KCNH5: variants seen among roughly 807,000 people sequenced by gnomAD.
KCNH5 encodes voltage-gated delayed rectifier potassium channel KCNH5.
KCNH5 carries 46 observed loss-of-function variants against 96.1 expected under a neutral mutation model. The ratio of observed to expected loss-of-function variants is 0.48; its 90% CI spans 0.38 to 0.61. The LOEUF (loss-of-function observed/expected upper bound fraction) is 0.61. Among genes scored for constraint, KCNH5 ranks in the 20% least tolerant of loss-of-function variants. The probability of loss-of-function intolerance (pLI) is 0.00; values close to 1 mark genes in which losing one functional copy is unlikely to be tolerated. For synonymous variants in KCNH5, 439 were observed against 449.8 expected (o/e 0.98, Z 0.30); for missense variants, 907 against 1,225.8 (o/e 0.74, Z 3.88).
chr14:62,775,873 T>C (rs1243651880), intron 10 of KCNH5, among the ~76,000 whole-genome samples: 1 of 152,218 alleles, frequency 6.6e-6, no homozygotes, highest in Non-Finnish European at 1.5e-5. Context: ...GCTTTGCTAT[T>C]GACTAAGTTT....
intron 2 of KCNH5, among the ~76,000 whole-genome samples, chr14:63,009,573 T>C (rs532196484): frequency 5.3e-5 from 8 of 152,298 alleles, no homozygotes; most frequent in Non-Finnish European, 1.2e-4. Context: ...AGGGGTGACA[T>C]GTAGCAGTTA....
intron 9 of KCNH5, among the ~76,000 whole-genome samples, chr14:62,785,336 C>T (rs1886299439): frequency 6.6e-6 from 1 of 152,192 alleles, no homozygotes; most frequent in Admixed American, 6.5e-5. Context: ...CATAGAATAT[C>T]TAACGTGCAT....
chr14:62,895,827 A>G (rs1888800493), intron 7 of KCNH5, among the ~76,000 whole-genome samples: 1 of 152,174 alleles, frequency 6.6e-6, no homozygotes, highest in African/African-American at 2.4e-5. Context: ...GTTCATCAGC[A>G]TTACTTAGGA....
chr14:62,939,623 C>T, intron 7 of KCNH5, among the ~76,000 whole-genome samples: 1 of 152,156 alleles, frequency 6.6e-6, no homozygotes, highest in Admixed American at 6.5e-5. Flanking sequence ...CATTAATTCA[C>T]CCATAAAAAC....
chr14:62,720,267 G>A (rs1884778576), intron 10 of KCNH5, among the ~76,000 whole-genome samples: 1 of 152,168 alleles, frequency 6.6e-6, no homozygotes, highest in African/African-American at 2.4e-5. Context: ...GGTGGCCAGG[G>A]ACTTCAGATT....
intron 10 of KCNH5, among the ~76,000 whole-genome samples, chr14:62,764,762 C>G (rs1885823964): frequency 6.6e-6 from 1 of 152,094 alleles, no homozygotes; most frequent in Non-Finnish European, 1.5e-5. Flanking sequence ...TGCAATCCCA[C>G]TGACAATAGG....
At chr14:62,868,464 T>C (rs1888181163) in intron 7 of KCNH5, among the ~76,000 whole-genome samples, 1 of 152,230 alleles carries the variant, frequency 6.6e-6, no homozygotes, top group African/African-American at 2.4e-5. Context: ...TTCATATTTA[T>C]CTTTGGTCTA....
Position 62,803,882 on chromosome 14 carries a change from A to G in KCNH5, c.1570-1301T>C, listed in dbSNP as rs186581875. Among the ~76,000 whole-genome samples, 30 of 152,310 alleles carry G rather than the reference A, an allele frequency of 2.0e-4. No homozygotes were observed. In the East Asian group the frequency reaches 4.4e-3, roughly 22 times the overall value. ...AATGATTTTCTTTGATCGGATTTCA[A>G]TCCCTCAAAGCTGAAGCTAAATTGA... On this transcript the variant is annotated intron_variant, in intron 8 of 10. Coordinates refer to ENST00000322893, the MANE Select transcript of KCNH5 (RefSeq NM_139318.5).
At chr14:62,729,319 C>A in intron 10 of KCNH5, among the ~76,000 whole-genome samples, 1 of 152,190 alleles carries the variant, frequency 6.6e-6, no homozygotes. Context: ...ATCATCTAAA[C>A]TTAATACATT....
At chr14:62,825,872 T>C (rs917582277) in intron 8 of KCNH5, among the ~76,000 whole-genome samples, 6 of 152,072 alleles carry the variant, frequency 3.9e-5, no homozygotes, top group African/African-American at 1.4e-4. Flanking sequence ...TTTTTTCTAC[T>C]ATAATGAGAG....
chr14:62,746,782 G>A (rs1327089395), intron 10 of KCNH5, among the ~76,000 whole-genome samples: 2 of 152,180 alleles, frequency 1.3e-5, no homozygotes, highest in African/African-American at 4.8e-5. Context: ...TTTTAAAAAG[G>A]TATCAGTTCA....
intron 7 of KCNH5, among the ~76,000 whole-genome samples, chr14:62,857,246 G>T (rs910476385): frequency 1.3e-5 from 2 of 152,134 alleles, no homozygotes; most frequent in East Asian, 3.9e-4. Context: ...CGGAAGAAAT[G>T]GAGAGAGGAA....
chr14:62,824,304 G>A (rs928202666), intron 8 of KCNH5, among the ~76,000 whole-genome samples: 11 of 151,786 alleles, frequency 7.2e-5, no homozygotes, highest in South Asian at 2.1e-4. Flanking sequence ...CCCTAAAGGC[G>A]TTCACTCATT....
intron 8 of KCNH5, among the ~76,000 whole-genome samples, chr14:62,833,249 T>C (rs1473665961): frequency 6.6e-6 from 1 of 152,084 alleles, no homozygotes; most frequent in Non-Finnish European, 1.5e-5. Context: ...TTTTCTCATA[T>C]GTTTTCTTCT....
chr14:62,844,847 C>T (rs1887658580), intron 8 of KCNH5, among the ~76,000 whole-genome samples: 1 of 152,024 alleles, frequency 6.6e-6, no homozygotes, highest in South Asian at 2.1e-4. Flanking sequence ...GATTAATTTG[C>T]TTGTGGGTTA....
At chr14:62,745,956 A>C (rs1242529630) in intron 10 of KCNH5, among the ~76,000 whole-genome samples, 1 of 152,194 alleles carries the variant, frequency 6.6e-6, no homozygotes, top group African/African-American at 2.4e-5. Flanking sequence ...AGCTTCCTAA[A>C]GGATGTCAGG....
intron 10 of KCNH5, among the ~76,000 whole-genome samples, chr14:62,710,600 C>A (rs1372323147): frequency 6.6e-6 from 1 of 152,180 alleles, no homozygotes; most frequent in Non-Finnish European, 1.5e-5. Context: ...GAATGATTTT[C>A]CACATCCCCC....
chr14:62,816,706 C>T (rs1886986125), intron 8 of KCNH5, among the ~76,000 whole-genome samples: 1 of 151,912 alleles, frequency 6.6e-6, no homozygotes, highest in East Asian at 1.9e-4. Flanking sequence ...ATATAAGAAA[C>T]AACATATGCA....
chr14:62,910,665 A>G (rs1889131255), intron 7 of KCNH5, among the ~76,000 whole-genome samples: 1 of 152,182 alleles, frequency 6.6e-6, no homozygotes, highest in Non-Finnish European at 1.5e-5. Flanking sequence ...CAAGATCTTT[A>G]TGGAGAAAAC....
Sources: gnomAD v4.1 joint callset for allele counts (sites outside exome capture counted in the v4.1 genomes callset) on GRCh38, gnomAD v4.1.1 for gene constraint, MANE v1.5 for transcripts, NCBI Gene and HGNC (gene_info 2026-07-23, HGNC 2026-07-21) for gene names.